The following SIK2 variants were observed in gnomAD, a reference collection of about 807,000 sequenced individuals.
SIK2 encodes the protein salt inducible kinase 2, also known as serine/threonine-protein kinase SIK2.
A neutral mutation model predicts 103.2 loss-of-function variants in SIK2; 29 were observed. The ratio of observed to expected loss-of-function variants is 0.28; its 90% confidence interval spans 0.21 to 0.38. SIK2 has a LOEUF of 0.38. Among genes scored for constraint, SIK2 ranks in the 10% least tolerant of loss-of-function variants. The probability of loss-of-function intolerance (pLI) is 1.00; values close to 1 mark genes in which losing one functional copy is unlikely to be tolerated. For synonymous variants in SIK2, 412 were observed against 446.1 expected (o/e 0.92, Z 0.96); for missense variants, 879 against 1,171.0 (o/e 0.75, Z 3.64).
intron 9 of SIK2, among the ~76,000 whole-genome samples, chr11:111,715,190 CTCAG>C (rs1363213211): frequency 3.5e-4 from 54 of 152,354 alleles, no homozygotes; most frequent in South Asian, 2.1e-4. Flanking sequence ...CATGCTGGCA[CTCAG>C]TCAGGCCATA....
At chr11:111,604,971 T>A (rs1941629919) in intron 1 of SIK2, among the ~76,000 whole-genome samples, 2 of 151,688 alleles carry the variant, frequency 1.3e-5, no homozygotes, top group African/African-American at 4.8e-5. Context: ...TTTTTTTTTT[T>A]TTTTGAGACG....
At position 111,729,895 on chromosome 11, in the gene SIK2, G is replaced by A. The variant is rs951699046; in HGVS notation, c.*5766G>A. On this transcript the variant is annotated 3_prime_UTR_variant, in exon 15 of 15. Transcript: ENST00000304987. The stretch of plus-strand genomic sequence containing the variant: ...TGCAGAAGTTTAGGCTCACCTCAAA[G>A]ATGTCTAGTTTTTCCAAGTTACAAT... 8 of 152,242 alleles carry A rather than the reference G, an allele frequency of 5.3e-5. No homozygotes were observed. Among genetic ancestry groups the A allele is most frequent in the African/African-American group, 1.9e-4 (8 of 41,452 alleles). The allele number at this position is 152,242 out of a possible 1,614,324, so 9.4% of individuals were successfully genotyped here.
intron 3 of SIK2, among the ~76,000 whole-genome samples, chr11:111,652,614 C>G (rs1004221862): frequency 9.2e-5 from 14 of 152,070 alleles, no homozygotes; most frequent in Admixed American, 6.6e-4. Flanking sequence ...ATTCAGAAGG[C>G]CTTGATTAGA....
intron 12 of SIK2, 111 bp downstream of exon 12, chr11:111,721,173 G>C (rs1017671521): frequency 3.4e-5 from 45 of 1,330,462 alleles, no homozygotes; most frequent in Middle Eastern, 2.7e-4. Context: ...GAGCAAACAG[G>C]CTGTTTGGGA....
chr11:111,720,951 T>C lies in SIK2; in HGVS notation c.1833T>C (p.Ile611=). 1.2e-6 allele frequency: 2 copies of C among 1,614,136 alleles called. No individual in the cohort carries two copies. Among genetic ancestry groups the C allele is most frequent in the African/African-American group, 1.3e-5 (1 of 75,028 alleles). ...AGAATCTGGCTAGAACCAAAGGAAT[T>C]CTAGAGTTGAACAAAGTGCAGTTGT... ...HLQNLARTKG[I]LELNKVQLLY... Residue 611 remains isoleucine, a synonymous_variant, in exon 12 of 15, where the codon ATT becomes ATC. Transcript: ENST00000304987.
chr11:111,617,370 T>G (rs1941821523), intron 2 of SIK2, among the ~76,000 whole-genome samples: 1 of 152,236 alleles, frequency 6.6e-6, no homozygotes. Flanking sequence ...AGAATTTTTC[T>G]GTTGAAAAGC....
At chr11:111,646,494 T>C (rs891970225) in intron 3 of SIK2, among the ~76,000 whole-genome samples, 3 of 152,164 alleles carry the variant, frequency 2.0e-5, no homozygotes, top group Non-Finnish European at 2.9e-5. Context: ...TGAACACTTA[T>C]GGCATATGTA....
At chr11:111,668,256 C>A (rs1025346203) in intron 3 of SIK2, among the ~76,000 whole-genome samples, 2 of 152,122 alleles carry the variant, frequency 1.3e-5, no homozygotes, top group Non-Finnish European at 2.9e-5. Context: ...AAGAGAGACA[C>A]TTCCGTGTAA....
chr11:111,602,629 C>G lies in SIK2; in HGVS notation c.66C>G (p.Ile22Met), dbSNP rs775305360. Residue 22 changes from isoleucine (I) to methionine (M), a missense_variant, in exon 1 of 15, where the codon ATC becomes ATG. By Grantham distance (10) the Ile-to-Met change is conservative. This residue lies in a region of SIK2 where 47 missense variants were observed against 43.9 expected (regional missense o/e 1.07). Transcript: ENST00000304987. The surrounding 1 kb of genome is among the most constrained non-coding windows in gnomAD (Gnocchi z 4.5). The part of the protein sequence containing the change: ...RGPVRVGFYD[I>M]EGTLGKGNFA... Reference sequence around the variant, plus strand: ...CGGTCCGGGTGGGGTTCTACGACATCGAGGGCACGCTGGGCAAGGGCAACT... The same window carrying G: ...CGGTCCGGGTGGGGTTCTACGACATGGAGGGCACGCTGGGCAAGGGCAACT... 1 of 1,534,052 alleles carries G rather than the reference C, an allele frequency of 6.5e-7. No individual in the cohort carries two copies. Among genetic ancestry groups the G allele is most frequent in the South Asian group, 1.2e-5 (1 of 82,568 alleles).
chr11:111,672,208 A>G, intron 3 of SIK2: 2 of 392,942 alleles, frequency 5.1e-6, no homozygotes, highest in Non-Finnish European at 9.6e-6. Flanking sequence ...GCCCCCCCAT[A>G]CCACTGGCCT....
Position 111,729,663 on chromosome 11 carries a change from C to T in SIK2, c.*5534C>T, listed in dbSNP as rs1944116755. 1 of 152,240 alleles carries T rather than the reference C, an allele frequency of 6.6e-6. No individual in the cohort carries two copies. The highest frequency in any genetic ancestry group is 1.5e-5 in the Non-Finnish European group (1 of 68,052). The allele number at this position is 152,240 out of a possible 1,614,324, so 9.4% of individuals were successfully genotyped here. A position where few individuals can be genotyped will look rare whatever the true frequency, so the allele number is the denominator to read the frequency against. On this transcript the variant is annotated 3_prime_UTR_variant, in exon 15 of 15. Coordinates refer to ENST00000304987, the MANE Select transcript of SIK2 (RefSeq NM_015191.3). ...TCTGACTCTTTTCATAAGCAAACAG[C>T]TGTATAAACAAAGCCCCCATTTTGG...
At chr11:111,631,184 A>G (rs1591594609) in intron 3 of SIK2, among the ~76,000 whole-genome samples, 2 of 152,190 alleles carry the variant, frequency 1.3e-5, no homozygotes, top group African/African-American at 4.8e-5. Context: ...TCTTTGTGGT[A>G]GAATAGAAGG....
rs1486380702 is a variant in SIK2 at position 111,602,585 on chromosome 11, A to C, written c.22A>C (p.Arg8=). Reference sequence around the variant, plus strand: ...CAGCATGGTCATGGCGGATGGCCCGAGGCACTTGCAGCGCGGGCCGGTCCG... The same window carrying C: ...CAGCATGGTCATGGCGGATGGCCCGCGGCACTTGCAGCGCGGGCCGGTCCG... MVMADGP[R]HLQRGPVRVG... is the part of the protein sequence containing the mutation. Residue 8 remains arginine (R), a synonymous_variant, in exon 1 of 15, where the codon AGG becomes CGG. Coordinates refer to ENST00000304987, the MANE Select transcript of SIK2 (RefSeq NM_015191.3). The surrounding 1 kb of genome is among the most constrained non-coding windows in gnomAD (Gnocchi z 4.5). The C allele has an allele frequency of 6.5e-7, 1 of 1,529,806 alleles. No homozygotes were observed. The highest frequency in any genetic ancestry group is 2.0e-5 in the Admixed American group (1 of 50,078). The allele number at this position is 1,529,806 out of a possible 1,614,324, so 94.8% of individuals were successfully genotyped here.
chr11:111,715,641 G>A (rs2135957215), intron 9 of SIK2, among the ~76,000 whole-genome samples: 1 of 152,202 alleles, frequency 6.6e-6, no homozygotes, highest in South Asian at 2.1e-4. Context: ...TGGATCAGGT[G>A]TTCCAAACAG....
intron 9 of SIK2, among the ~76,000 whole-genome samples, chr11:111,715,858 G>A (rs1404502919): frequency 7.6e-6 from 1 of 130,966 alleles, no homozygotes; most frequent in Non-Finnish European, 1.5e-5. Context: ...CTGGAGTGCA[G>A]TGACACGATC....
Position 111,688,417 on chromosome 11 carries a change from G to A in SIK2, c.478+255G>A, listed in dbSNP as rs952575818. 6.6e-6 allele frequency among the ~76,000 whole-genome samples: 1 copy of A among 152,214 alleles called. No homozygotes were observed. Among genetic ancestry groups the A allele is most frequent in the Admixed American group, 6.5e-5 (1 of 15,280 alleles). ...GATTCCATTGGCAGGGTTTCGGGGT[G>A]CTCTGCTGGAAGAGGTACATTTATC... On this transcript the variant is annotated intron_variant, in intron 4 of 14. Transcript: ENST00000304987. This position sits in a 1 kb window ranked among gnomAD's most constrained non-coding sequence, Gnocchi z 4.2.
chr11:111,725,959 G>GGAA lies in SIK2; in HGVS notation c.*1834_*1836dup, dbSNP rs1277596832. The GGAA allele has an allele frequency of 6.6e-6, 1 of 152,188 alleles. No individual in the cohort carries two copies. Among genetic ancestry groups the GGAA allele is most frequent in the East Asian group, 1.9e-4 (1 of 5,206 alleles). 9.4% of individuals were successfully genotyped at this position (152,188 alleles called of 1,614,324 possible). A position where few individuals can be genotyped will look rare whatever the true frequency, so the allele number is the denominator to read the frequency against. On this transcript the variant is annotated 3_prime_UTR_variant, in exon 15 of 15. Coordinates refer to ENST00000304987, the MANE Select transcript of SIK2 (RefSeq NM_015191.3). ...TTTAATAACACACAGTGAAAATCCA[G>GGAA]GAAGAATGAATTAAGCTTCTTCTGG...
At chr11:111,687,518 AAAAAAAAAAG>A (rs961587248) in intron 3 of SIK2, among the ~76,000 whole-genome samples, 6 of 151,418 alleles carry the variant, frequency 4.0e-5, no homozygotes, top group Non-Finnish European at 7.4e-5. Flanking sequence ...CCATCTCAAA[AAAAAAAAAAG>A]AAAAAGAAAT....
chr11:111,662,730 T>G (rs1942483578), intron 3 of SIK2, among the ~76,000 whole-genome samples: 1 of 150,970 alleles, frequency 6.6e-6, no homozygotes, highest in South Asian at 2.1e-4. Context: ...TACAAAATAG[T>G]AGCTGGGCAT....
Sources: gnomAD v4.1 joint callset for allele counts (sites outside exome capture counted in the v4.1 genomes callset) on GRCh38, gnomAD v4.1.1 for gene constraint, gnomAD v4.1.1 regional missense constraint, Gnocchi (gnomAD v3.1) non-coding constraint, MANE v1.5 for transcripts, NCBI Gene and HGNC (gene_info 2026-07-23, HGNC 2026-07-21) for gene names.